The following SMC5 variants were observed in gnomAD, a reference collection of about 807,000 sequenced individuals.
The protein encoded by SMC5 is structural maintenance of chromosomes protein 5.
A neutral mutation model predicts 148.3 loss-of-function variants in SMC5; 88 were observed. The ratio of observed to expected loss-of-function variants is 0.59; its 90% CI spans 0.50 to 0.71. The LOEUF is 0.71. Ranked by LOEUF, SMC5 falls within the 30% of genes least tolerant of loss-of-function variation. The pLI, the probability that SMC5 is intolerant of heterozygous loss-of-function variation, is 0.00. For synonymous variants in SMC5, 421 were observed against 432.8 expected (o/e 0.97, Z 0.34); for missense variants, 1,142 against 1,298.9 (o/e 0.88, Z 1.86).
intron 11 of SMC5, among the ~76,000 whole-genome samples, chr9:70,310,409 C>CT (rs1253698149): frequency 1.3e-5 from 2 of 151,952 alleles, no homozygotes; most frequent in Non-Finnish European, 2.9e-5. Flanking sequence ...GGACAGATGT[C>CT]TTTTTTTTCT....
In SMC5 at chr9:70,259,011, G is replaced by T; in HGVS notation, c.-68G>T. On this transcript the variant is annotated 5_prime_UTR_variant, in exon 1 of 25. Coordinates refer to ENST00000361138, the MANE Select transcript of SMC5 (RefSeq NM_015110.4). ...CGGGAGCGGGGCGCCTGGGTGGATG[G>T]GCGCTTGGGCGCCTGGGCTGCCGGA... 1 of 1,488,004 alleles carries T rather than the reference G, an allele frequency of 6.7e-7. No homozygotes were observed. The highest frequency in any genetic ancestry group is 1.4e-5 in the African/African-American group (1 of 70,526). 92.2% of individuals were successfully genotyped at this position (1,488,004 alleles called of 1,614,324 possible).
chr9:70,286,268 A>C lies in SMC5; in HGVS notation c.1050A>C (p.Lys350Asn). 1 of 1,588,110 alleles carries C rather than the reference A, an allele frequency of 6.3e-7. No homozygotes were observed. The highest frequency in any genetic ancestry group is 8.6e-7 in the Non-Finnish European group (1 of 1,161,696). The change falls in exon 8 of 25, where the codon AAA (lysine) becomes AAC (asparagine). Residue 350 changes from lysine to asparagine, a missense_variant. Around this residue, in one of 5 missense-constraint regions of SMC5, gnomAD observed 743 missense variants for 835.7 expected, o/e 0.89. Transcript: ENST00000361138. Reference protein sequence around the residue: ...QKQDVIERKDKHIEELQQALI... With the variant: ...QKQDVIERKDNHIEELQQALI... ...AAGATGTTATAGAAAGGAAAGATAA[A>C]CATGTAAGGTTTCATACTAAAATTT...
At chr9:70,303,319 T>A (rs184046558) in intron 10 of SMC5, among the ~76,000 whole-genome samples, 5,231 of 152,218 alleles carry the variant, frequency 0.034, 126 homozygotes, top group Non-Finnish European at 0.054. Flanking sequence ...ATATTTTTTT[T>A]AAAAAGATGA....
intron 17 of SMC5, among the ~76,000 whole-genome samples, chr9:70,331,729 T>C (rs1693210243): frequency 6.6e-6 from 1 of 152,196 alleles, no homozygotes; most frequent in Admixed American, 6.6e-5. Flanking sequence ...TTTGAAATTT[T>C]TCATTATAAA....
In SMC5 at chr9:70,297,947, C is replaced by T; in HGVS notation, c.1054-19C>T. 6.2e-7 allele frequency: 1 copy of T among 1,604,456 alleles called. No homozygotes were observed. The highest frequency in any genetic ancestry group is 2.2e-5 in the East Asian group (1 of 44,810). ...AGAGGAAAACAGTCTCAAGTACTAA[C>T]CTACTTTTGTTTTATTAGATTGAGG... On this transcript the variant is annotated intron_variant, in intron 8 of 24. Coordinates refer to ENST00000361138, the MANE Select transcript of SMC5 (RefSeq NM_015110.4).
chr9:70,280,991 G>A, intron 6 of SMC5, 92 bp downstream of exon 6: 4 of 1,420,336 alleles, frequency 2.8e-6, no homozygotes, highest in Non-Finnish European at 3.9e-6. Flanking sequence ...TTCAAGTTAG[G>A]TGCTTCTTTT....
At chr9:70,263,567 C>T (rs2034196307) in intron 1 of SMC5, among the ~76,000 whole-genome samples, 1 of 152,178 alleles carries the variant, frequency 6.6e-6, no homozygotes, top group Non-Finnish European at 1.5e-5. Flanking sequence ...ATGTCTGAGT[C>T]AGAGTTTGCT....
At chr9:70,285,990 A>C (rs1178790061) in intron 7 of SMC5, among the ~76,000 whole-genome samples, 1 of 152,222 alleles carries the variant, frequency 6.6e-6, no homozygotes, top group Non-Finnish European at 1.5e-5. Flanking sequence ...AAAAACATGC[A>C]TGCGTATTAC....
Position 70,300,209 on chromosome 9 carries a change from C to T in SMC5, c.1464+9C>T, listed in dbSNP as rs2035321829. Reference sequence around the variant, plus strand: ...AGCCCATAATGCTCACGGTAAGAAACTTTGTTCATCTTGGTAGTATTGGTT... The same window carrying T: ...AGCCCATAATGCTCACGGTAAGAAATTTTGTTCATCTTGGTAGTATTGGTT... On this transcript the variant is annotated intron_variant, in intron 10 of 24. Coordinates refer to ENST00000361138, the MANE Select transcript of SMC5 (RefSeq NM_015110.4). 1 of 1,573,680 alleles carries T rather than the reference C, an allele frequency of 6.4e-7. No homozygotes were observed. Among genetic ancestry groups the T allele is most frequent in the Non-Finnish European group, 8.6e-7 (1 of 1,168,658 alleles).
At chr9:70,325,714 A>G (rs1587695909) in intron 17 of SMC5, among the ~76,000 whole-genome samples, 1 of 152,190 alleles carries the variant, frequency 6.6e-6, no homozygotes, top group Non-Finnish European at 1.5e-5. Context: ...GCAAGAAGGG[A>G]GATAATGCAA....
At position 70,347,639 on chromosome 9, in the gene SMC5, A is replaced by G. The variant is rs1410749486; in HGVS notation, c.2691A>G (p.Glu897=). ...TTGTTCAGGAATATACAAAAAGAGA[A>G]GAAGAAATAGAACAGTTAACTGAGG... The part of the protein sequence containing the change: ...PTIVQEYTKR[E]EEIEQLTEEL... The change falls in exon 21 of 25, where the codon GAA becomes GAG. Residue 897 remains glutamate, a synonymous_variant. Transcript: ENST00000361138. The G allele has an allele frequency of 1.3e-6, 2 of 1,576,952 alleles. No homozygotes were observed. The highest frequency in any genetic ancestry group is 1.4e-5 in the African/African-American group (1 of 72,768).
intron 3 of SMC5, among the ~76,000 whole-genome samples, chr9:70,277,094 T>C (rs1297282257): frequency 6.6e-6 from 1 of 152,120 alleles, no homozygotes; most frequent in Non-Finnish European, 1.5e-5. Flanking sequence ...TTAAATAATT[T>C]TGAATGTTGA....
chr9:70,320,935 C>A (rs1587689881), intron 15 of SMC5, among the ~76,000 whole-genome samples: 1 of 152,278 alleles, frequency 6.6e-6, no homozygotes, highest in South Asian at 2.1e-4. Flanking sequence ...AAAGCACTAG[C>A]ATTTTTACTT....
intron 6 of SMC5, among the ~76,000 whole-genome samples, chr9:70,281,315 C>T (rs1012647379): frequency 1.3e-5 from 2 of 152,080 alleles, no homozygotes; most frequent in Non-Finnish European, 2.9e-5. Context: ...ATACTGATTA[C>T]GGGTGTGAGC....
At chr9:70,292,643 A>C (rs2035093637) in intron 8 of SMC5, among the ~76,000 whole-genome samples, 1 of 152,166 alleles carries the variant, frequency 6.6e-6, no homozygotes, top group South Asian at 2.1e-4. Flanking sequence ...GGTTTTTAAA[A>C]GAATATGTAT....
chr9:70,346,933 A>T (rs891088397), intron 19 of SMC5, 133 bp from the exon 20 acceptor site: 6 of 730,676 alleles, frequency 8.2e-6, no homozygotes, highest in South Asian at 1.9e-5. Context: ...CCTGTTTATT[A>T]TTCCTTTGTA....
In SMC5 at chr9:70,347,168, C is replaced by A. The variant is rs745525232; in HGVS notation, c.2664+7C>A. 3 of 1,611,184 alleles carry A rather than the reference C, an allele frequency of 1.9e-6. No individual in the cohort carries two copies. The highest frequency in any genetic ancestry group is 2.2e-5 in the South Asian group (2 of 90,988). ...CACGGGACTGAATCCTACAGTATGCCTGTTTCTCTATTCCCATTCTGCATC... is the reference window on the plus strand; with the variant it reads ...CACGGGACTGAATCCTACAGTATGCATGTTTCTCTATTCCCATTCTGCATC... On this transcript the variant is annotated splice_region_variant and intron_variant, in intron 20 of 24. Transcript: ENST00000361138.
At chr9:70,342,265 G>A (rs1429927726) in intron 17 of SMC5, among the ~76,000 whole-genome samples, 12 of 146,284 alleles carry the variant, frequency 8.2e-5, no homozygotes, top group Non-Finnish European at 1.1e-4. Flanking sequence ...GGGAGGGATA[G>A]CATTGGGAGA....
chr9:70,348,081 T>G (rs1264048281), intron 22 of SMC5, 43 bp downstream of exon 22: 1 of 1,418,762 alleles, frequency 7.0e-7, no homozygotes, highest in Non-Finnish European at 9.5e-7. Context: ...GGCAAATAAT[T>G]TTAATTATAT....
Sources: gnomAD v4.1 joint callset for allele counts (sites outside exome capture counted in the v4.1 genomes callset) on GRCh38, gnomAD v4.1.1 for gene constraint, gnomAD v4.1.1 regional missense constraint, MANE v1.5 for transcripts, NCBI Gene and HGNC (gene_info 2026-07-23, HGNC 2026-07-21) for gene names.